The following SLC22A3 variants were observed in gnomAD, a reference collection of about 807,000 sequenced individuals.
SLC22A3 encodes the protein solute carrier family 22 member 3.
SLC22A3 carries 51 observed loss-of-function variants against 59.1 expected under a neutral mutation model. The observed-to-expected ratio is 0.86, with a 90% CI of 0.69 to 1.09. SLC22A3 has a LOEUF of 1.09. Among genes scored for constraint, SLC22A3 ranks in the 50% least tolerant of loss-of-function variants. The pLI is 0.00. For missense variants in SLC22A3, 711 were observed against 726.3 expected, an observed-to-expected ratio of 0.98 and a Z score of 0.24; for synonymous variants, 325 against 292.0, an observed-to-expected ratio of 1.11 and a Z score of -1.15.
intron 1 of SLC22A3, among the ~76,000 whole-genome samples, chr6:160,388,400 A>T (rs989319167): frequency 3.3e-5 from 5 of 152,098 alleles, no homozygotes; most frequent in African/African-American, 1.2e-4. Context: ...TCTGGGACCC[A>T]CCCCTAGAAA....
At chr6:160,401,220 G>A (rs1430928701) in intron 2 of SLC22A3, among the ~76,000 whole-genome samples, 1 of 151,822 alleles carries the variant, frequency 6.6e-6, no homozygotes, top group Non-Finnish European at 1.5e-5. Context: ...AGGAAATCAA[G>A]CAAGATAAAC....
At chr6:160,376,787 T>A (rs1785613279) in intron 1 of SLC22A3, among the ~76,000 whole-genome samples, 1 of 152,234 alleles carries the variant, frequency 6.6e-6, no homozygotes, top group South Asian at 2.1e-4. Flanking sequence ...TGTATATATA[T>A]TTTTTGTTTT....
intron 5 of SLC22A3, among the ~76,000 whole-genome samples, chr6:160,419,014 A>T (rs1787621193): frequency 6.6e-6 from 1 of 152,206 alleles, no homozygotes; most frequent in Non-Finnish European, 1.5e-5. Flanking sequence ...GGCAGTTCCC[A>T]TGGTGGTATG....
intron 1 of SLC22A3, among the ~76,000 whole-genome samples, chr6:160,369,113 C>T (rs1301755296): frequency 1.3e-5 from 2 of 152,202 alleles, no homozygotes; most frequent in Non-Finnish European, 2.9e-5. Context: ...CCTACTTGAA[C>T]AGTAGATACT....
At chr6:160,434,477 A>T (rs948321077) in intron 5 of SLC22A3, among the ~76,000 whole-genome samples, 1 of 152,228 alleles carries the variant, frequency 6.6e-6, no homozygotes, top group Non-Finnish European at 1.5e-5. Context: ...TATTTATAGA[A>T]TAAGATTAAC....
At chr6:160,441,483 T>G (rs1232500977) in intron 7 of SLC22A3, among the ~76,000 whole-genome samples, 1 of 152,186 alleles carries the variant, frequency 6.6e-6, no homozygotes, top group Non-Finnish European at 1.5e-5. Flanking sequence ...TGCACCAGGA[T>G]GTCCTTGGCC....
intron 1 of SLC22A3, 45 bp from the exon 2 acceptor site, chr6:160,397,934 C>T (rs1381506416): frequency 1.3e-5 from 18 of 1,398,970 alleles, no homozygotes; most frequent in Non-Finnish European, 1.8e-5. Context: ...TTTTGAAGAT[C>T]TGCATTCTGG....
chr6:160,348,453 G>A lies in SLC22A3; in HGVS notation c.34G>A (p.Gly12Ser). The A allele has an allele frequency of 6.5e-7, 1 of 1,532,034 alleles. No individual in the cohort carries two copies. The highest frequency in any genetic ancestry group is 1.2e-5 in the South Asian group (1 of 83,784). 94.9% of individuals were successfully genotyped at this position (1,532,034 alleles called of 1,614,324 possible). A position where few individuals can be genotyped will look rare whatever the true frequency, so the allele number is the denominator to read the frequency against. ...CTTCGACGAGGCGCTGCAGCGGGTGGGCGAGTTCGGGCGCTTCCAGAGGCG... is the reference window on the plus strand; with the variant it reads ...CTTCGACGAGGCGCTGCAGCGGGTGAGCGAGTTCGGGCGCTTCCAGAGGCG... ...PSFDEALQRV[G>S]EFGRFQRRVF... The change falls in exon 1 of 11, where the codon GGC (glycine) becomes AGC (serine). Residue 12 changes from glycine to serine, a missense_variant. Gly to Ser is a moderately conservative substitution (Grantham distance 56). Transcript: ENST00000275300.
chr6:160,388,082 C>T (rs112714145), intron 1 of SLC22A3, among the ~76,000 whole-genome samples: 9 of 152,268 alleles, frequency 5.9e-5, no homozygotes, highest in African/African-American at 2.2e-4. Context: ...GCGTGGGAGA[C>T]ACTAACAGGG....
chr6:160,430,620 G>T (rs1337892922), intron 5 of SLC22A3, among the ~76,000 whole-genome samples: 1 of 152,136 alleles, frequency 6.6e-6, no homozygotes, highest in Non-Finnish European at 1.5e-5. Context: ...GATGAATAGG[G>T]CAAATAGCAA....
chr6:160,382,538 A>T (rs1785835698), intron 1 of SLC22A3, among the ~76,000 whole-genome samples: 1 of 152,178 alleles, frequency 6.6e-6, no homozygotes, highest in Non-Finnish European at 1.5e-5. Context: ...TAAGCCAATG[A>T]TCACCAGGAG....
In SLC22A3 at chr6:160,348,665, GC is replaced by G. The variant is rs775680960; in HGVS notation, c.252del (p.Glu85SerfsTer77). The G allele has an allele frequency of 4.0e-6, 6 of 1,507,166 alleles. No homozygotes were observed. The highest frequency in any genetic ancestry group is 2.7e-5 in the East Asian group (1 of 37,540). 93.4% of individuals were successfully genotyped at this position (1,507,166 alleles called of 1,614,324 possible). On this transcript the variant is annotated frameshift_variant, in exon 1 of 11. Coordinates refer to ENST00000275300, the MANE Select transcript of SLC22A3 (RefSeq NM_021977.4). LOFTEE classifies it high-confidence loss of function. The part of the protein sequence containing the change: ...RTAPASRGPE[P>X]PERRGRCQRY... The stretch of plus-strand genomic sequence containing the variant: ...CGGCGCCCGCCTCCCGCGGCCCAGA[GC>G]CCCCCGAGCGCCGCGGCCGCTGCCA...
chr6:160,357,243 G>A (rs552368239), intron 1 of SLC22A3, among the ~76,000 whole-genome samples: 144 of 152,350 alleles, frequency 9.5e-4, no homozygotes, highest in South Asian at 1.7e-3. Context: ...TAGGGCACCA[G>A]CAGTGGAGAT....
chr6:160,400,393 A>G (rs1405976328), intron 2 of SLC22A3, among the ~76,000 whole-genome samples: 1 of 151,960 alleles, frequency 6.6e-6, no homozygotes, highest in Non-Finnish European at 1.5e-5. Flanking sequence ...TCAACTTGGA[A>G]GAAGGGAAAT....
At chr6:160,420,772 C>T (rs1440474866) in intron 5 of SLC22A3, among the ~76,000 whole-genome samples, 1 of 152,184 alleles carries the variant, frequency 6.6e-6, no homozygotes, top group Non-Finnish European at 1.5e-5. Flanking sequence ...TTCCAAAGGT[C>T]TACACTTGCA....
intron 1 of SLC22A3, among the ~76,000 whole-genome samples, chr6:160,385,634 C>T (rs1214945575): frequency 6.6e-6 from 1 of 152,226 alleles, no homozygotes; most frequent in Non-Finnish European, 1.5e-5. Flanking sequence ...TGGGCTCCTG[C>T]ACAACTGGAC....
intron 1 of SLC22A3, among the ~76,000 whole-genome samples, chr6:160,379,363 C>T (rs1170788222): frequency 6.6e-6 from 1 of 152,154 alleles, no homozygotes; most frequent in Non-Finnish European, 1.5e-5. Context: ...ATCACTTTCT[C>T]TGTATTTGAG....
At chr6:160,427,167 G>A (rs564490013) in intron 5 of SLC22A3, among the ~76,000 whole-genome samples, 10 of 152,282 alleles carry the variant, frequency 6.6e-5, no homozygotes, top group African/African-American at 2.4e-4. Context: ...GACCCGAGCT[G>A]ATGGGGAAGG....
chr6:160,409,895 A>G (rs1331090172), intron 4 of SLC22A3, among the ~76,000 whole-genome samples: 3 of 152,198 alleles, frequency 2.0e-5, no homozygotes, highest in East Asian at 3.8e-4. Flanking sequence ...AATGAAGTCT[A>G]TTTGTTTCTC....
Sources: allele counts gnomAD v4.1 joint callset (sites outside exome capture counted in the v4.1 genomes callset), GRCh38; gene constraint gnomAD v4.1.1; transcripts MANE v1.5; gene names NCBI Gene and HGNC (gene_info 2026-07-23, HGNC 2026-07-21).